The following PCDHA3 variants were observed in gnomAD, a reference collection of about 807,000 sequenced individuals.
PCDHA3 encodes the protein protocadherin alpha 3.
Under a neutral mutation model 62.2 loss-of-function variants are expected in PCDHA3, and 41 were observed. The observed-to-expected ratio is 0.66, with a 90% CI of 0.51 to 0.86. PCDHA3 has a LOEUF of 0.86. PCDHA3 is among the 40% of genes least tolerant of loss of function. The pLI, the probability that PCDHA3 is intolerant of heterozygous loss-of-function variation, is 0.00. For missense variants in PCDHA3, 1,304 were observed against 1,241.2 expected (o/e 1.05, Z -0.76); for synonymous variants, 640 against 555.4 (o/e 1.15, Z -2.14).
intron 1 of PCDHA3, chr5:140,807,670 T>C (rs557317357): frequency 6.2e-7 from 1 of 1,614,204 alleles, no homozygotes; most frequent in Admixed American, 1.7e-5. Flanking sequence ...CGGATGCAGA[T>C]ATCGGGGAGA....
rs375305711 is a variant in PCDHA3 at position 140,857,742 on chromosome 5, T to C, written c.2394+54151T>C. 63 of 1,597,390 alleles carry C rather than the reference T, an allele frequency of 3.9e-5. No homozygotes were observed. In the East Asian group the frequency reaches 5.1e-4, roughly 13 times the overall value. On this transcript the variant is annotated intron_variant, in intron 1 of 3. Coordinates refer to ENST00000522353, the MANE Select transcript of PCDHA3 (RefSeq NM_018906.3). Reference sequence around the variant, plus strand: ...GAGAACGACAACGCTCCCGCGCTGCTGGCGTCTCCCGCTGGCAGCGCGGGC... The same window carrying C: ...GAGAACGACAACGCTCCCGCGCTGCCGGCGTCTCCCGCTGGCAGCGCGGGC...
At chr5:140,804,931 C>G in intron 1 of PCDHA3, 1 of 1,113,638 alleles carries the variant, frequency 9.0e-7, no homozygotes, top group Non-Finnish European at 1.2e-6. Flanking sequence ...TTGGCACTAT[C>G]CTTTGTTGCT....
chr5:140,823,878 C>A lies in PCDHA3; in HGVS notation c.2394+20287C>A, dbSNP rs142924665. On this transcript the variant is annotated intron_variant, in intron 1 of 3. Coordinates refer to ENST00000522353, the MANE Select transcript of PCDHA3 (RefSeq NM_018906.3). The stretch of plus-strand genomic sequence containing the variant: ...TGGATGTCAACGTGTACCTGATCAT[C>A]GCCATCTGTGCGGTGTCCAGCCTGC... 6,707 of 1,613,924 alleles carry A rather than the reference C, an allele frequency of 4.2e-3. 22 individuals are homozygous for A. Among genetic ancestry groups the A allele is most frequent in the Non-Finnish European group, 5.2e-3 (6,149 of 1,179,944 alleles).
chr5:140,882,126 T>C, intron 1 of PCDHA3: 1 of 1,466,718 alleles, frequency 6.8e-7, no homozygotes, highest in East Asian at 2.3e-5. Flanking sequence ...GTTTCTTTCT[T>C]CCTGCAGAAA....
intron 1 of PCDHA3, among the ~76,000 whole-genome samples, chr5:140,840,979 C>A (rs1290701863): frequency 1.3e-5 from 2 of 151,986 alleles, no homozygotes; most frequent in Non-Finnish European, 2.9e-5. Context: ...AAGAAGAAAT[C>A]CCTAGCTGAA....
Position 140,801,445 on chromosome 5 carries a change from T to C in PCDHA3, c.248T>C (p.Ile83Thr), listed in dbSNP as rs546691914. ...CTGGAGGTAAATCTGCAGAATGGCA[T>C]TTTGTTTGTGAATTCTCGGATAGAC... ...DLLEVNLQNGILFVNSRIDRE... is the reference protein window; with the variant it reads ...DLLEVNLQNGTLFVNSRIDRE... Residue 83 changes from isoleucine (I) to threonine (T), a missense_variant, in exon 1 of 4, where the codon ATT (isoleucine) becomes ACT (threonine). Transcript: ENST00000522353. 1.9e-6 allele frequency: 3 copies of C among 1,613,942 alleles called. No homozygotes were observed. In the East Asian group the frequency reaches 6.7e-5, roughly 36 times the overall value.
intron 1 of PCDHA3, chr5:140,849,420 G>A: frequency 6.4e-7 from 1 of 1,572,968 alleles, no homozygotes; most frequent in Non-Finnish European, 8.7e-7. Context: ...AGGACATATG[G>A]ATTTTGAAGA....
chr5:140,951,493 A>C (rs1554219918), intron 1 of PCDHA3, among the ~76,000 whole-genome samples: 1 of 152,022 alleles, frequency 6.6e-6, no homozygotes, highest in Non-Finnish European at 1.5e-5. Context: ...TCATGGTGGA[A>C]GGCAAAAGGA....
chr5:140,880,821 G>A (rs1054552020), intron 1 of PCDHA3, among the ~76,000 whole-genome samples: 4 of 152,206 alleles, frequency 2.6e-5, no homozygotes, highest in African/African-American at 7.2e-5. Flanking sequence ...AGAGTGTCTG[G>A]AAGGGCATAT....
intron 1 of PCDHA3, chr5:140,804,485 T>C (rs564918510): frequency 1.3e-5 from 2 of 152,244 alleles, no homozygotes; most frequent in Non-Finnish European, 2.9e-5. Flanking sequence ...ATCTTGAAAA[T>C]AATTATGGTA....
chr5:140,990,838 A>C (rs2097419271), intron 3 of PCDHA3, among the ~76,000 whole-genome samples: 1 of 152,222 alleles, frequency 6.6e-6, no homozygotes, highest in Admixed American at 6.5e-5. Flanking sequence ...CCTATTAGCA[A>C]AAATAGAGCC....
At chr5:141,001,216 G>A (rs938133871) in intron 3 of PCDHA3, among the ~76,000 whole-genome samples, 3 of 152,082 alleles carry the variant, frequency 2.0e-5, no homozygotes, top group African/African-American at 7.2e-5. Context: ...GCTGTATAAG[G>A]ATAGTTACAT....
intron 1 of PCDHA3, chr5:140,841,607 T>G (rs1554138334): frequency 4.3e-6 from 7 of 1,614,090 alleles, no homozygotes; most frequent in Non-Finnish European, 5.9e-6. Flanking sequence ...CGAGGAGCTG[T>G]GCGGGCGGAG....
At chr5:140,857,103 C>G in intron 1 of PCDHA3, 1 of 1,597,644 alleles carries the variant, frequency 6.3e-7, no homozygotes, top group Non-Finnish European at 8.6e-7. Flanking sequence ...GTGATTGTCA[C>G]TTCTCTGTCT....
At position 140,806,169 on chromosome 5, in the gene PCDHA3, T is replaced by A. The variant is rs12655578; in HGVS notation, c.2394+2578T>A. Reference sequence around the variant, plus strand: ...TAAGTGGTTATAAAATGGGGTAAATTGGCTTTAGAAGAGTTTAGAAATGAT... The same window carrying A: ...TAAGTGGTTATAAAATGGGGTAAATAGGCTTTAGAAGAGTTTAGAAATGAT... On this transcript the variant is annotated intron_variant, in intron 1 of 3. Coordinates refer to ENST00000522353, the MANE Select transcript of PCDHA3 (RefSeq NM_018906.3). 3.3e-5 allele frequency among the ~76,000 whole-genome samples: 5 copies of A among 152,266 alleles called. No individual in the cohort carries two copies. In the East Asian group the frequency reaches 9.6e-4, roughly 29 times the overall value.
chr5:140,956,599 G>A (rs782510228), intron 1 of PCDHA3, among the ~76,000 whole-genome samples: 4 of 152,186 alleles, frequency 2.6e-5, no homozygotes, highest in Non-Finnish European at 5.9e-5. Flanking sequence ...AGGGATATCA[G>A]CTGGAAGTTT....
intron 1 of PCDHA3, among the ~76,000 whole-genome samples, chr5:140,915,642 C>CTCTG (rs1236956905): frequency 1.3e-5 from 2 of 152,012 alleles, no homozygotes; most frequent in African/African-American, 2.4e-5. Context: ...CTCTCTCTCT[C>CTCTG]TCTCTCTCTC....
chr5:140,845,119 A>C (rs1166318033), intron 1 of PCDHA3, among the ~76,000 whole-genome samples: 4 of 149,728 alleles, frequency 2.7e-5, no homozygotes, highest in African/African-American at 9.8e-5. Flanking sequence ...GTCCATGTTT[A>C]GCATTTTATT....
Position 140,857,636 on chromosome 5 carries a change from C to T in PCDHA3, c.2394+54045C>T, listed in dbSNP as rs370617893. The T allele has an allele frequency of 1.0e-4, 159 of 1,596,480 alleles. 20 individuals are homozygous for T. The highest frequency in any genetic ancestry group is 1.3e-4 in the Non-Finnish European group (153 of 1,167,700). Reference sequence around the variant, plus strand: ...GCTGGACCACGAGGAGCTGGAGCTGCTACAGTTCCAGGTGAGCGCGCGCGA... The same window carrying T: ...GCTGGACCACGAGGAGCTGGAGCTGTTACAGTTCCAGGTGAGCGCGCGCGA... On this transcript the variant is annotated intron_variant, in intron 1 of 3. Transcript: ENST00000522353.
Sources: gnomAD v4.1 joint callset for allele counts (sites outside exome capture counted in the v4.1 genomes callset) on GRCh38, gnomAD v4.1.1 for gene constraint, MANE v1.5 for transcripts, NCBI Gene and HGNC (gene_info 2026-07-23, HGNC 2026-07-21) for gene names.